Variants in RASGEF1C observed in about 807,000 individuals in gnomAD.
RASGEF1C encodes RasGEF domain family member 1C.
In RASGEF1C, 27 loss-of-function variants were observed where a neutral mutation model predicts 58.1. The observed-to-expected ratio is 0.46, with a 90% confidence interval of 0.34 to 0.64. RASGEF1C has a LOEUF of 0.64. RASGEF1C is among the 30% of genes least tolerant of loss of function. The pLI, the probability that RASGEF1C is intolerant of heterozygous loss-of-function variation, is 0.01. For synonymous variants in RASGEF1C, 243 were observed against 246.3 expected, an observed-to-expected ratio of 0.99 and a Z score of 0.13; for missense variants, 502 against 605.1, an observed-to-expected ratio of 0.83 and a Z score of 1.79.
At chr5:180,195,648 G>C (rs957683841) in intron 1 of RASGEF1C, among the ~76,000 whole-genome samples, 1 of 151,998 alleles carries the variant, frequency 6.6e-6, no homozygotes, top group Non-Finnish European at 1.5e-5. Context: ...TGTAGTCCCA[G>C]CTACTCGGGA....
chr5:180,137,534 C>CA lies in RASGEF1C; in HGVS notation c.300+55dup. 2 of 1,580,436 alleles carry CA rather than the reference C, an allele frequency of 1.3e-6. No individual in the cohort carries two copies. Among genetic ancestry groups the CA allele is most frequent in the Non-Finnish European group, 1.7e-6 (2 of 1,165,426 alleles). ...CCCCGAGAGGCTGATGCGTTGAGGG[C>CA]ATGGCAGGGCAGTGCTGGTACACTC... On this transcript the variant is annotated intron_variant, in intron 3 of 13. Transcript: ENST00000361132. The surrounding 1 kb of genome is among the most constrained non-coding windows in gnomAD (Gnocchi z 4.1).
At chr5:180,115,941 T>G (rs1391208886) in intron 10 of RASGEF1C, among the ~76,000 whole-genome samples, 1 of 151,956 alleles carries the variant, frequency 6.6e-6, no homozygotes, top group Non-Finnish European at 1.5e-5. Flanking sequence ...TAGTGCAGGT[T>G]CTGGACAGCC....
chr5:180,155,822 C>T lies in RASGEF1C; in HGVS notation c.-6-17764G>A, dbSNP rs1040992741. Among the ~76,000 whole-genome samples, 7 of 152,136 alleles carry T rather than the reference C, an allele frequency of 4.6e-5. No individual in the cohort carries two copies. Among genetic ancestry groups the T allele is most frequent in the African/African-American group, 7.2e-5 (3 of 41,440 alleles). On this transcript the variant is annotated intron_variant, in intron 1 of 13. Coordinates refer to ENST00000361132, the MANE Select transcript of RASGEF1C (RefSeq NM_175062.4). The surrounding 1 kb of genome is among the most constrained non-coding windows in gnomAD (Gnocchi z 5.2). ...AAGGGGTTTGTTTCACCTCCCAACC[C>T]GCATGCTGCCTTCCCTTCAGGAACT...
At position 180,205,715 on chromosome 5, in the gene RASGEF1C, A is replaced by ATATTATTATTATTATTAT. The variant is rs10577396; in HGVS notation, c.-7+3295_-7+3312dup. On this transcript the variant is annotated intron_variant, in intron 1 of 13. Coordinates refer to ENST00000361132, the MANE Select transcript of RASGEF1C (RefSeq NM_175062.4). ...TAAAGTCCTCTTTGCCATTATTATA[A>ATATTATTATTATTATTAT]TATTATTATTATTATTATTATTATT... 3.3e-3 allele frequency among the ~76,000 whole-genome samples: 491 copies of ATATTATTATTATTATTAT among 147,142 alleles called. 7 individuals carry two copies. Among genetic ancestry groups the ATATTATTATTATTATTAT allele is most frequent in the African/African-American group, 0.012 (481 of 39,968 alleles).
At chr5:180,176,260 C>A (rs537760588) in intron 1 of RASGEF1C, among the ~76,000 whole-genome samples, 1 of 152,224 alleles carries the variant, frequency 6.6e-6, no homozygotes, top group Non-Finnish European at 1.5e-5. Flanking sequence ...CAGGCCTCCC[C>A]ACTCCTGCAG....
At chr5:180,127,151 C>T (rs900110331) in intron 6 of RASGEF1C, among the ~76,000 whole-genome samples, 37 of 152,294 alleles carry the variant, frequency 2.4e-4, no homozygotes, top group African/African-American at 8.2e-4. Context: ...TCCTGAGCAC[C>T]GGGACCCAGG....
intron 8 of RASGEF1C, 97 bp from the exon 9 acceptor site, chr5:180,118,963 G>C: frequency 6.2e-6 from 7 of 1,134,778 alleles, no homozygotes; most frequent in African/African-American, 1.5e-5. Flanking sequence ...CAGGGCTGAG[G>C]TCTGCAGGGC....
intron 12 of RASGEF1C, among the ~76,000 whole-genome samples, chr5:180,108,491 G>A (rs1046054179): frequency 3.9e-5 from 6 of 152,022 alleles, no homozygotes; most frequent in South Asian, 2.1e-4. Flanking sequence ...ACGAGCCACC[G>A]CGCCCAGCCG....
At chr5:180,152,862 G>C (rs1257607100) in intron 1 of RASGEF1C, among the ~76,000 whole-genome samples, 1 of 141,184 alleles carries the variant, frequency 7.1e-6, no homozygotes, top group African/African-American at 2.7e-5. Context: ...AGTGGGCCGA[G>C]ATTGCGCCAC....
intron 1 of RASGEF1C, among the ~76,000 whole-genome samples, chr5:180,175,669 C>A (rs1767212808): frequency 6.6e-6 from 1 of 152,254 alleles, no homozygotes; most frequent in African/African-American, 2.4e-5. Context: ...CCAAGAATAT[C>A]TATGAGCTCT....
chr5:180,116,151 AC>A (rs1255466052), intron 10 of RASGEF1C, among the ~76,000 whole-genome samples: 1 of 151,738 alleles, frequency 6.6e-6, no homozygotes, highest in Non-Finnish European at 1.5e-5. Flanking sequence ...ACTCAAGGCC[AC>A]CCCCCATGTC....
At chr5:180,132,324 C>T (rs895937975) in intron 4 of RASGEF1C, among the ~76,000 whole-genome samples, 48 of 152,344 alleles carry the variant, frequency 3.2e-4, no homozygotes, top group East Asian at 9.7e-4. Context: ...CGGAGTCGTC[C>T]GACGGTGGCC....
intron 1 of RASGEF1C, among the ~76,000 whole-genome samples, chr5:180,152,210 C>T (rs1289893022): frequency 6.6e-6 from 1 of 152,058 alleles, no homozygotes; most frequent in East Asian, 1.9e-4. Flanking sequence ...CCAGCCATCC[C>T]ATTACTGGGT....
intron 1 of RASGEF1C, among the ~76,000 whole-genome samples, chr5:180,180,377 G>A (rs1188517938): frequency 6.6e-6 from 1 of 152,256 alleles, no homozygotes; most frequent in Non-Finnish European, 1.5e-5. Context: ...CACTGCTGCT[G>A]TTTGAGACGA....
intron 4 of RASGEF1C, among the ~76,000 whole-genome samples, chr5:180,133,905 A>C (rs1766421656): frequency 6.6e-6 from 1 of 152,208 alleles, no homozygotes. Flanking sequence ...TGAAGCAAGC[A>C]CACACCTGAC....
In RASGEF1C at chr5:180,163,254, C is replaced by CTTTTTTTTTTTTTTTTTTTTTTTTTTTTT. The variant is rs1187829324; in HGVS notation, c.-6-25197_-6-25196insAAAAAAAAAAAAAAAAAAAAAAAAAAAAA. Among the ~76,000 whole-genome samples, 3 of 71,066 alleles carry CTTTTTTTTTTTTTTTTTTTTTTTTTTTTT rather than the reference C, an allele frequency of 4.2e-5. 1 individual carries two copies. The highest frequency in any genetic ancestry group is 7.5e-5 in the Non-Finnish European group (3 of 40,158). 46.6% of individuals were successfully genotyped at this position (71,066 alleles called of 152,430 possible). Reference sequence around the variant, plus strand: ...CACTTTTTTTTTTTTTTTTTTTTTCCAGCCTATTGCACTGGCTAGGACTTC... The same window carrying CTTTTTTTTTTTTTTTTTTTTTTTTTTTTT: ...CACTTTTTTTTTTTTTTTTTTTTTCCTTTTTTTTTTTTTTTTTTTTTTTTTTTTTAGCCTATTGCACTGGCTAGGACTTC... On this transcript the variant is annotated intron_variant, in intron 1 of 13. Transcript: ENST00000361132.
At chr5:180,169,653 G>T (rs775024029) in intron 1 of RASGEF1C, among the ~76,000 whole-genome samples, 35 of 152,078 alleles carry the variant, frequency 2.3e-4, no homozygotes, top group Non-Finnish European at 4.9e-4. Flanking sequence ...GCACAACAAG[G>T]ATCATGAGCA....
chr5:180,127,058 G>GC (rs1178642975), intron 6 of RASGEF1C, among the ~76,000 whole-genome samples: 17 of 152,302 alleles, frequency 1.1e-4, no homozygotes, highest in African/African-American at 4.1e-4. Flanking sequence ...ATTCTGGCTT[G>GC]GATTTAGCCC....
intron 1 of RASGEF1C, among the ~76,000 whole-genome samples, chr5:180,199,411 A>T (rs1404818668): frequency 2.0e-5 from 3 of 152,186 alleles, no homozygotes; most frequent in Non-Finnish European, 4.4e-5. Context: ...AAGGACACTA[A>T]ACAACTAACA....
Sources: allele counts gnomAD v4.1 joint callset (sites outside exome capture counted in the v4.1 genomes callset), GRCh38; gene constraint gnomAD v4.1.1; non-coding constraint Gnocchi (gnomAD v3.1); transcripts MANE v1.5; gene names NCBI Gene and HGNC (gene_info 2026-07-23, HGNC 2026-07-21).